Variants in OTOGL observed in about 807,000 individuals in gnomAD.
OTOGL encodes otogelin like, also known as otogelin-like protein.
A neutral mutation model predicts 318.5 loss-of-function variants in OTOGL; 285 were observed. The observed-to-expected ratio is 0.89, with a 90% confidence interval of 0.81 to 0.99. The LOEUF is 0.99. Ranked by LOEUF, OTOGL falls within the 50% of genes least tolerant of loss-of-function variation. OTOGL has a pLI of 0.00. For missense variants in OTOGL, 2,899 were observed against 2,845.6 expected, an observed-to-expected ratio of 1.02 and a Z score of -0.43; for synonymous variants, 987 against 936.5, an observed-to-expected ratio of 1.05 and a Z score of -0.99.
chr12:80,118,213 A>C (rs1592465934), intron 1 of OTOGL, among the ~76,000 whole-genome samples: 1 of 152,268 alleles, frequency 6.6e-6, no homozygotes, highest in African/African-American at 2.4e-5. Flanking sequence ...CTGATGAGGG[A>C]AATTGGAGGA....
At chr12:80,308,291 C>T (rs1268820419) in intron 29 of OTOGL, among the ~76,000 whole-genome samples, 14 of 144,972 alleles carry the variant, frequency 9.7e-5, no homozygotes, top group Admixed American at 5.5e-4. Context: ...CTTCTCAGAC[C>T]GGGCGGTTGC....
intron 1 of OTOGL, among the ~76,000 whole-genome samples, chr12:80,129,723 C>G (rs1209301476): frequency 6.6e-6 from 1 of 152,126 alleles, no homozygotes; most frequent in African/African-American, 2.4e-5. Flanking sequence ...AATTCAGCCC[C>G]ATCACTTTCC....
At chr12:80,145,528 C>G (rs1249456351) in intron 1 of OTOGL, among the ~76,000 whole-genome samples, 1 of 151,746 alleles carries the variant, frequency 6.6e-6, no homozygotes, top group African/African-American at 2.4e-5. Flanking sequence ...TTAGGATTGA[C>G]TTGGCGATGC....
chr12:80,308,339 C>G (rs951032804), intron 29 of OTOGL, among the ~76,000 whole-genome samples: 2 of 150,188 alleles, frequency 1.3e-5, no homozygotes, highest in African/African-American at 4.9e-5. Context: ...ACGGGGCGTC[C>G]GGGCAGAGAC....
intron 1 of OTOGL, among the ~76,000 whole-genome samples, chr12:80,160,757 C>T (rs1873454388): frequency 6.6e-6 from 1 of 152,146 alleles, no homozygotes; most frequent in Non-Finnish European, 1.5e-5. Flanking sequence ...GAAAAGAAGT[C>T]ATTATATGAA....
At chr12:80,350,584 G>T (rs1392695422) in intron 44 of OTOGL, among the ~76,000 whole-genome samples, 2 of 152,020 alleles carry the variant, frequency 1.3e-5, no homozygotes, top group South Asian at 4.1e-4. Context: ...CTGTCTTTTT[G>T]ATAATACCCA....
chr12:80,254,660 T>G, intron 15 of OTOGL, 90 bp downstream of exon 15: 1 of 1,049,194 alleles, frequency 9.5e-7, no homozygotes, highest in Non-Finnish European at 1.4e-6. Context: ...AGACATCTCA[T>G]ATATACCAAG....
intron 37 of OTOGL, among the ~76,000 whole-genome samples, chr12:80,329,573 G>T (rs945173827): frequency 1.3e-5 from 2 of 152,112 alleles, no homozygotes; most frequent in Non-Finnish European, 2.9e-5. Flanking sequence ...TTTCTTTATT[G>T]CTTCCATTTC....
rs76144891 is a variant in OTOGL, at chr12:80,212,271, T to A, written c.168+274T>A. Among the ~76,000 whole-genome samples the A allele has an allele frequency of 1.3e-3, 191 of 152,270 alleles. 2 individuals are homozygous for A. Among genetic ancestry groups the A allele is most frequent in the African/African-American group, 4.4e-3 (182 of 41,568 alleles). ...AATAGGCTTGAGGCATTTAATTCCA[T>A]GCACTTGCCAGAAAATTAGAAGTAG... On this transcript the variant is annotated intron_variant, in intron 4 of 58. Coordinates refer to ENST00000547103, the MANE Select transcript of OTOGL (RefSeq NM_001378609.3).
intron 1 of OTOGL, among the ~76,000 whole-genome samples, chr12:80,174,587 A>C (rs866442046): frequency 2.2e-4 from 34 of 152,312 alleles, no homozygotes; most frequent in Non-Finnish European, 4.0e-4. Flanking sequence ...AAGGTTTGTG[A>C]AAATTTAATA....
intron 44 of OTOGL, among the ~76,000 whole-genome samples, chr12:80,342,832 G>T (rs1592731340): frequency 6.6e-6 from 1 of 152,150 alleles, no homozygotes; most frequent in Non-Finnish European, 1.5e-5. Flanking sequence ...ACATTATAGA[G>T]GTACACAGGA....
intron 57 of OTOGL, among the ~76,000 whole-genome samples, chr12:80,375,700 G>A (rs1270597140): frequency 6.6e-6 from 1 of 152,068 alleles, no homozygotes; most frequent in East Asian, 1.9e-4. Flanking sequence ...AGTGAGAGGA[G>A]GAAGGTGATA....
At chr12:80,302,886 G>C in intron 28 of OTOGL, 103 bp downstream of exon 28, 1 of 1,093,184 alleles carries the variant, frequency 9.1e-7, no homozygotes, top group Non-Finnish European at 1.2e-6. Context: ...TTAAGAACTA[G>C]GTTATATTTC....
chr12:80,105,955 A>T (rs1019718624), intron 1 of OTOGL, among the ~76,000 whole-genome samples: 14 of 152,230 alleles, frequency 9.2e-5, no homozygotes, highest in Non-Finnish European at 1.5e-5. Context: ...TTTCCATAAA[A>T]ACATGAGCAA....
chr12:80,275,026 G>A lies in OTOGL; in HGVS notation c.2682-3142G>A, dbSNP rs981557276. On this transcript the variant is annotated intron_variant, in intron 24 of 58. Coordinates refer to ENST00000547103, the MANE Select transcript of OTOGL (RefSeq NM_001378609.3). ...AGATGCAGAAGGATATATTAATGTTGTTTTCATGCTTGCTAACACATTTAT... is the reference window on the plus strand; with the variant it reads ...AGATGCAGAAGGATATATTAATGTTATTTTCATGCTTGCTAACACATTTAT... 1.1e-4 allele frequency among the ~76,000 whole-genome samples: 17 copies of A among 151,868 alleles called. 1 individual carries two copies. The highest frequency in any genetic ancestry group is 3.6e-4 in the African/African-American group (15 of 41,346).
At chr12:80,350,978 C>G (rs1889506245) in intron 44 of OTOGL, among the ~76,000 whole-genome samples, 1 of 152,120 alleles carries the variant, frequency 6.6e-6, no homozygotes, top group African/African-American at 2.4e-5. Flanking sequence ...AATTACTGCT[C>G]AAACCAGTGT....
intron 44 of OTOGL, among the ~76,000 whole-genome samples, chr12:80,346,386 A>T (rs925721239): frequency 2.0e-5 from 3 of 152,144 alleles, no homozygotes; most frequent in Non-Finnish European, 2.9e-5. Context: ...AAAGAAAGTT[A>T]AGAACTAAAA....
In OTOGL at chr12:80,355,831, A is replaced by G; in HGVS notation, c.5689A>G (p.Ser1897Gly). The change falls in exon 47 of 59, where the codon AGC (serine) becomes GGC (glycine). Residue 1897 changes from serine to glycine, a missense_variant. Ser to Gly is a moderately conservative substitution (Grantham distance 56). Transcript: ENST00000547103. ...TCTATACAAATGTTTGGAGAATGGA[A>G]GCATTATCCCTATAGAACCTGACTG... is the stretch of plus-strand genomic sequence containing the variant. ...CTLYKCLENG[S>G]IIPIEPDCDE... is the part of the protein sequence containing the mutation. 6.2e-7 allele frequency: 1 copy of G among 1,613,862 alleles called. No homozygotes were observed. Among genetic ancestry groups the G allele is most frequent in the South Asian group, 1.1e-5 (1 of 91,088 alleles).
Position 80,310,649 on chromosome 12 carries a change from A to G in OTOGL, c.3372A>G (p.Ala1124=). ...ATGAAACAATTAAACCCTGTGAGGC[A>G]CATCAAAACAAATTTCCTTATGCCA... The part of the protein sequence containing the change: ...SPDETIKPCE[A]HQNKFPYAKK... The change falls in exon 30 of 59, where the codon GCA becomes GCG. Residue 1124 remains alanine, a synonymous_variant. Transcript: ENST00000547103. 2 of 1,596,720 alleles carry G rather than the reference A, an allele frequency of 1.3e-6. No homozygotes were observed. Among genetic ancestry groups the G allele is most frequent in the Non-Finnish European group, 8.5e-7 (1 of 1,177,274 alleles).
Sources: gnomAD v4.1 joint callset for allele counts (sites outside exome capture counted in the v4.1 genomes callset) on GRCh38, gnomAD v4.1.1 for gene constraint, MANE v1.5 for transcripts, NCBI Gene and HGNC (gene_info 2026-07-23, HGNC 2026-07-21) for gene names.